Variants in RAP1GAP2 observed in about 807,000 individuals in gnomAD.
The protein encoded by RAP1GAP2 is rap1 GTPase-activating protein 2.
A neutral mutation model predicts 95.0 loss-of-function variants in RAP1GAP2; 27 were observed. That is an observed-to-expected ratio of 0.28 (90% CI 0.21 to 0.39). The LOEUF is 0.39. RAP1GAP2 is among the 10% of genes least tolerant of loss of function. The pLI is 1.00. For missense variants in RAP1GAP2, 771 were observed against 970.0 expected (o/e 0.79, Z 2.72); for synonymous variants, 373 against 380.9 (o/e 0.98, Z 0.24).
chr17:2,803,410 G>A (rs2069382088), intron 2 of RAP1GAP2, among the ~76,000 whole-genome samples: 1 of 152,200 alleles, frequency 6.6e-6, no homozygotes, highest in Admixed American at 6.5e-5. Context: ...TGAAGGGGAG[G>A]AAGCAAAGCC....
chr17:2,931,138 A>C lies in RAP1GAP2; in HGVS notation c.165+25770A>C, dbSNP rs555660986. Among the ~76,000 whole-genome samples, 56 of 151,798 alleles carry C rather than the reference A, an allele frequency of 3.7e-4. 1 individual carries two copies. The South Asian group carries it at 0.011, about 29-fold the overall frequency. On this transcript the variant is annotated intron_variant, in intron 3 of 24. Coordinates refer to ENST00000254695, the MANE Select transcript of RAP1GAP2 (RefSeq NM_015085.5). ...CTCCATCTCAAAAAAAAAAAAAAAA[A>C]AAAAAAGAAGAAGAGAAACCACAAC...
intron 3 of RAP1GAP2, among the ~76,000 whole-genome samples, chr17:2,935,090 G>A (rs1032250725): frequency 3.3e-5 from 5 of 152,194 alleles, no homozygotes; most frequent in Non-Finnish European, 7.3e-5. Context: ...GGCCCCTGGA[G>A]GCTGACTATG....
intron 22 of RAP1GAP2, among the ~76,000 whole-genome samples, chr17:3,028,680 C>G (rs960516338): frequency 1.3e-5 from 2 of 152,208 alleles, no homozygotes; most frequent in African/African-American, 4.8e-5. Flanking sequence ...CGTGCCTCCT[C>G]TCATTCAGCC....
At chr17:2,810,977 G>A (rs769881102) in intron 2 of RAP1GAP2, among the ~76,000 whole-genome samples, 2 of 152,054 alleles carry the variant, frequency 1.3e-5, no homozygotes, top group Non-Finnish European at 2.9e-5. Context: ...GAAGCTGACC[G>A]CTGTTTTCAT....
intron 2 of RAP1GAP2, among the ~76,000 whole-genome samples, chr17:2,823,236 A>C (rs896600056): frequency 2.0e-5 from 3 of 152,034 alleles, no homozygotes; most frequent in Admixed American, 1.3e-4. Flanking sequence ...CCAGGGAGTC[A>C]ATGGGCCCCC....
At chr17:2,762,588 A>G (rs1281395577) in intron 1 of RAP1GAP2, among the ~76,000 whole-genome samples, 2 of 146,766 alleles carry the variant, frequency 1.4e-5, no homozygotes, top group South Asian at 2.2e-4. Flanking sequence ...TTTGGTAGAG[A>G]TGGGATTTCA....
intron 22 of RAP1GAP2, among the ~76,000 whole-genome samples, chr17:3,030,089 T>C (rs2047243609): frequency 6.8e-6 from 1 of 147,904 alleles, no homozygotes; most frequent in African/African-American, 2.5e-5. Flanking sequence ...ACATATGTTA[T>C]AGATACACAT....
intron 2 of RAP1GAP2, among the ~76,000 whole-genome samples, chr17:2,896,891 G>T (rs1224110718): frequency 6.6e-6 from 1 of 152,204 alleles, no homozygotes; most frequent in African/African-American, 2.4e-5. Context: ...AGGGTCCTGC[G>T]CAGGGTGTAG....
chr17:2,932,584 C>CAAAA (rs71153311), intron 3 of RAP1GAP2, among the ~76,000 whole-genome samples: 8 of 52,338 alleles, frequency 1.5e-4, no homozygotes, highest in Non-Finnish European at 2.6e-4. Flanking sequence ...GACTCCATCT[C>CAAAA]AAAAAAAAAA....
In RAP1GAP2 at chr17:2,766,470, T is replaced by C. The variant is rs533970678; in HGVS notation, c.51-3859T>C. 1.1e-3 allele frequency among the ~76,000 whole-genome samples: 171 copies of C among 151,884 alleles called. 1 individual carries two copies. Among genetic ancestry groups the C allele is most frequent in the Non-Finnish European group, 1.6e-3 (108 of 67,970 alleles). On this transcript the variant is annotated intron_variant, in intron 1 of 25. Transcript: ENST00000637138. The stretch of plus-strand genomic sequence containing the variant: ...GGCCAACATGGCAGAAGCCCATCTC[T>C]ACTAAAAATACAAAAAATTGTCCCA...
intron 1 of RAP1GAP2, among the ~76,000 whole-genome samples, chr17:2,778,235 C>T (rs1241025285): frequency 1.3e-5 from 2 of 150,734 alleles, no homozygotes; most frequent in South Asian, 2.1e-4. Context: ...AAGAAGCTGC[C>T]TCTGGTCCCT....
In RAP1GAP2 at chr17:3,030,989, C is replaced by A; in HGVS notation, c.2175C>A (p.Ser725Arg). Residue 725 changes from serine (S) to arginine (R), a missense_variant, in exon 23 of 25, where the codon AGC becomes AGA. Ser to Arg is a moderately radical substitution (Grantham distance 110). Coordinates refer to ENST00000254695, the MANE Select transcript of RAP1GAP2 (RefSeq NM_015085.5). ...GCTTTGACAAGCTCAGCCATGCCAG[C>A]TCTGGTGCGGTAAGGATGCGCCTCC... ...KFRFDKLSHA[S>R]SGAGH 6.2e-7 allele frequency: 1 copy of A among 1,606,726 alleles called. No homozygotes were observed. The highest frequency in any genetic ancestry group is 8.5e-7 in the Non-Finnish European group (1 of 1,176,446).
At position 2,797,689 on chromosome 17, in the gene RAP1GAP2, A is replaced by G; in HGVS notation, c.44+1118A>G. The stretch of plus-strand genomic sequence containing the variant: ...ACTGTGGGCACTCCATGTTTGGCAG[A>G]TGGGATGGTGCGGATGAGAAGATGG... On this transcript the variant is annotated intron_variant, in intron 1 of 24. Coordinates refer to ENST00000254695, the MANE Select transcript of RAP1GAP2 (RefSeq NM_015085.5). This position sits in a 1 kb window ranked among gnomAD's most constrained non-coding sequence, Gnocchi z 5.6. 2 of 985,296 alleles carry G rather than the reference A, an allele frequency of 2.0e-6. No homozygotes were observed. Among genetic ancestry groups the G allele is most frequent in the Non-Finnish European group, 2.4e-6 (2 of 829,892 alleles). The allele number at this position is 985,296 out of a possible 1,614,324, so 61.0% of individuals were successfully genotyped here.
intron 18 of RAP1GAP2, among the ~76,000 whole-genome samples, chr17:3,019,200 T>C (rs1332605633): frequency 2.0e-5 from 3 of 152,090 alleles, no homozygotes; most frequent in Non-Finnish European, 4.4e-5. Context: ...CCTGATTGAC[T>C]CGTACCAGGG....
At chr17:2,977,972 A>G (rs2045199828) in intron 8 of RAP1GAP2, among the ~76,000 whole-genome samples, 1 of 152,084 alleles carries the variant, frequency 6.6e-6, no homozygotes, top group African/African-American at 2.4e-5. Context: ...AAAATGTCAG[A>G]TAGTCCCAAA....
At chr17:2,832,354 C>T (rs753536684) in intron 2 of RAP1GAP2, among the ~76,000 whole-genome samples, 94 of 150,744 alleles carry the variant, frequency 6.2e-4, no homozygotes, top group Admixed American at 2.5e-3. Context: ...GTCAGGAGAT[C>T]GAGATCATCC....
chr17:2,832,330 G>A (rs1337914919), intron 2 of RAP1GAP2, among the ~76,000 whole-genome samples: 3 of 151,716 alleles, frequency 2.0e-5, no homozygotes, highest in South Asian at 2.1e-4. Flanking sequence ...AGGCCAAGGT[G>A]GGTGGATCAC....
At chr17:2,812,639 A>G (rs1319391172) in intron 2 of RAP1GAP2, among the ~76,000 whole-genome samples, 1 of 152,002 alleles carries the variant, frequency 6.6e-6, no homozygotes, top group African/African-American at 2.4e-5. Context: ...TCCCTCCCCC[A>G]GGACGGTGGT....
chr17:2,892,702 C>T (rs2073763411), intron 2 of RAP1GAP2, among the ~76,000 whole-genome samples: 1 of 152,164 alleles, frequency 6.6e-6, no homozygotes, highest in Admixed American at 6.6e-5. Flanking sequence ...GCAAATGTTC[C>T]TAGAGGTAGA....
Sources: allele counts gnomAD v4.1 joint callset (sites outside exome capture counted in the v4.1 genomes callset), GRCh38; gene constraint gnomAD v4.1.1; non-coding constraint Gnocchi (gnomAD v3.1); transcripts MANE v1.5; gene names NCBI Gene and HGNC (gene_info 2026-07-23, HGNC 2026-07-21).